Variants in SGCD observed in about 807,000 individuals in gnomAD.
SGCD encodes sarcoglycan delta, also known as delta-sarcoglycan.
In SGCD, 18 loss-of-function variants were observed where a neutral mutation model predicts 36.6. The observed-to-expected ratio is 0.49, with a 90% CI of 0.34 to 0.73. The LOEUF (loss-of-function observed/expected upper bound fraction) is 0.73, where lower values mean the gene tolerates loss of function less well. SGCD is among the 30% of genes least tolerant of loss of function. The probability of loss-of-function intolerance (pLI) is 0.01; values close to 1 mark genes in which losing one functional copy is unlikely to be tolerated. For missense variants in SGCD, 387 were observed against 346.7 expected, an observed-to-expected ratio of 1.12 and a Z score of -0.92; for synonymous variants, 133 against 130.6, an observed-to-expected ratio of 1.02 and a Z score of -0.12.
intron 7 of SGCD, among the ~76,000 whole-genome samples, chr5:156,737,925 T>C (rs1302700485): frequency 6.6e-6 from 1 of 152,136 alleles, no homozygotes; most frequent in East Asian, 1.9e-4. Flanking sequence ...AATCCAGAGC[T>C]CCTTCTATGA....
At chr5:156,418,123 G>T (rs1330635037) in intron 3 of SGCD, among the ~76,000 whole-genome samples, 1 of 152,170 alleles carries the variant, frequency 6.6e-6, no homozygotes, top group African/African-American at 2.4e-5. Flanking sequence ...GGAAAGACTT[G>T]CTGTAGGTAC....
chr5:155,951,249 C>T (rs1482711247), intron 1 of SGCD, among the ~76,000 whole-genome samples: 2 of 152,288 alleles, frequency 1.3e-5, no homozygotes, highest in East Asian at 3.9e-4. Flanking sequence ...TATAGCTGCA[C>T]TCTTCCTGAT....
chr5:156,074,478 T>A (rs1030035311), intron 1 of SGCD, among the ~76,000 whole-genome samples: 5 of 149,588 alleles, frequency 3.3e-5, no homozygotes, highest in African/African-American at 1.3e-4. Flanking sequence ...GATCAGGAGT[T>A]AGAAATCAGC....
chr5:156,356,723 T>C (rs1769510060), intron 3 of SGCD, among the ~76,000 whole-genome samples: 1 of 152,132 alleles, frequency 6.6e-6, no homozygotes, highest in Non-Finnish European at 1.5e-5. Context: ...TGTTACCTTA[T>C]TTGGAAAAAG....
At chr5:156,586,502 A>C (rs1760501152) in intron 4 of SGCD, among the ~76,000 whole-genome samples, 1 of 152,204 alleles carries the variant, frequency 6.6e-6, no homozygotes, top group African/African-American at 2.4e-5. Flanking sequence ...GATCACCATT[A>C]AGGAGTGAGG....
At chr5:156,267,529 C>A (rs1027137201) in intron 3 of SGCD, among the ~76,000 whole-genome samples, 2 of 152,164 alleles carry the variant, frequency 1.3e-5, no homozygotes, top group Non-Finnish European at 2.9e-5. Context: ...CGGAAACCAG[C>A]CTGAGGCAAA....
At chr5:155,980,710 T>G (rs1758210933) in intron 1 of SGCD, among the ~76,000 whole-genome samples, 1 of 150,358 alleles carries the variant, frequency 6.7e-6, no homozygotes, top group Non-Finnish European at 1.5e-5. Flanking sequence ...AACTTTGTTT[T>G]GGTAACTCCT....
At chr5:156,174,541 A>T (rs947169636) in intron 3 of SGCD, among the ~76,000 whole-genome samples, 3 of 152,180 alleles carry the variant, frequency 2.0e-5, no homozygotes, top group Non-Finnish European at 1.5e-5. Context: ...TGTGTTAAGG[A>T]TTGCAGTTAT....
At chr5:156,548,007 A>G (rs1179121716) in intron 4 of SGCD, among the ~76,000 whole-genome samples, 1 of 152,164 alleles carries the variant, frequency 6.6e-6, no homozygotes, top group Non-Finnish European at 1.5e-5. Flanking sequence ...TGGGCCTGTC[A>G]CCCATAGCAT....
intron 3 of SGCD, among the ~76,000 whole-genome samples, chr5:156,295,387 A>G (rs1363169673): frequency 6.6e-6 from 1 of 151,878 alleles, no homozygotes; most frequent in Non-Finnish European, 1.5e-5. Context: ...AATTTTGTGG[A>G]TATTTTTGAA....
chr5:155,882,286 C>T (rs531592772), intron 1 of SGCD, among the ~76,000 whole-genome samples: 5 of 151,844 alleles, frequency 3.3e-5, no homozygotes, highest in Admixed American at 6.6e-5. Context: ...CCTATATTGC[C>T]CAGGCTGGTC....
rs140010034 is a variant in SGCD at position 156,367,548 on chromosome 5, A to G, written c.192+22871A>G. ...TCAATCTATGTGTTAATTCTAACCT[A>G]GAATCAGTCATGTAGTTTTGCAACA... On this transcript the variant is annotated intron_variant, in intron 3 of 8. Coordinates refer to ENST00000337851, the MANE Select transcript of SGCD (RefSeq NM_000337.6). Among the ~76,000 whole-genome samples, 1,091 of 152,358 alleles carry G rather than the reference A, an allele frequency of 7.2e-3. 4 individuals are homozygous for G. Among genetic ancestry groups the G allele is most frequent in the Non-Finnish European group, 0.011 (780 of 68,036 alleles).
intron 3 of SGCD, among the ~76,000 whole-genome samples, chr5:156,475,171 A>C (rs1468935106): frequency 6.6e-6 from 1 of 152,172 alleles, no homozygotes; most frequent in Non-Finnish European, 1.5e-5. Context: ...TCCCTGCTTT[A>C]ATAACTGTAA....
At chr5:156,148,039 A>T (rs73300637) in intron 3 of SGCD, among the ~76,000 whole-genome samples, 4,720 of 152,278 alleles carry the variant, frequency 0.031, 265 homozygotes, top group African/African-American at 0.1. Flanking sequence ...CTATAATCAT[A>T]AACCTTTGTT....
At chr5:156,619,823 T>TA (rs767427986) in intron 6 of SGCD, among the ~76,000 whole-genome samples, 16 of 152,204 alleles carry the variant, frequency 1.1e-4, no homozygotes, top group Non-Finnish European at 1.9e-4. Flanking sequence ...AAAAGAGTAC[T>TA]AAAAATATTC....
At chr5:156,306,123 A>G (rs1257846974) in intron 3 of SGCD, among the ~76,000 whole-genome samples, 2 of 152,136 alleles carry the variant, frequency 1.3e-5, no homozygotes, top group African/African-American at 4.8e-5. Flanking sequence ...GGCATGATTC[A>G]TTTTGAAATG....
At chr5:156,437,468 A>G (rs1343123189) in intron 3 of SGCD, among the ~76,000 whole-genome samples, 5 of 152,130 alleles carry the variant, frequency 3.3e-5, no homozygotes, top group African/African-American at 1.2e-4. Flanking sequence ...GCCCTGAGCT[A>G]TTTGGTTATT....
At chr5:155,797,260 T>G in the SGCD span, among the ~76,000 whole-genome samples, 9 of 152,158 alleles carry the variant, frequency 5.9e-5, no homozygotes, top group Non-Finnish European at 1.0e-4. Context: ...TTTTCAAACA[T>G]ATAAGGTAGA....
At chr5:156,079,627 T>C (rs547053191) in intron 1 of SGCD, among the ~76,000 whole-genome samples, 3 of 152,104 alleles carry the variant, frequency 2.0e-5, no homozygotes, top group African/African-American at 7.2e-5. Context: ...TCCATGAGAG[T>C]TCAAAACCGG....
Sources: allele counts gnomAD v4.1 joint callset (sites outside exome capture counted in the v4.1 genomes callset), GRCh38; gene constraint gnomAD v4.1.1; transcripts MANE v1.5; gene names NCBI Gene and HGNC (gene_info 2026-07-23, HGNC 2026-07-21).